RANBP2: variants seen among roughly 807,000 people sequenced by gnomAD.
RANBP2 encodes RAN binding protein 2, also known as E3 SUMO-protein ligase RanBP2.
Under a neutral mutation model 303.6 loss-of-function variants are expected in RANBP2, and 57 were observed. That is an observed-to-expected ratio of 0.19 (90% CI 0.15 to 0.23). RANBP2 has a LOEUF of 0.23. Ranked by LOEUF, RANBP2 falls within the 10% of genes least tolerant of loss-of-function variation. RANBP2 has a pLI of 1.00. For synonymous variants in RANBP2, 1,167 were observed against 1,301.5 expected (o/e 0.90, Z 2.23); for missense variants, 3,138 against 3,780.8 (o/e 0.83, Z 4.46).
chr2:109,672,178 C>T, the RANBP2 span, among the ~76,000 whole-genome samples: 1 of 152,144 alleles, frequency 6.6e-6, no homozygotes, highest in Admixed American at 6.5e-5. Context: ...TTATTTAGTT[C>T]CTTGAATAGC....
At chr2:108,974,678 C>T in the RANBP2 span, among the ~76,000 whole-genome samples, 173 of 151,530 alleles carry the variant, frequency 1.1e-3, 1 homozygote, top group African/African-American at 1.0e-3. Context: ...TTCAGTGAGC[C>T]GAGATAGCGC....
Position 108,726,786 on chromosome 2 carries a change from C to T in RANBP2, c.73-2346C>T, listed in dbSNP as rs532903784. Among the ~76,000 whole-genome samples the T allele has an allele frequency of 3.0e-4, 46 of 152,098 alleles. No individual in the cohort carries two copies. The East Asian group carries it at 7.7e-3, about 26-fold the overall frequency. On this transcript the variant is annotated intron_variant, in intron 1 of 28. Transcript: ENST00000283195. ...CTAGGCAGAGGACCCTGCAGCCTTC[C>T]GCAGTGTTTGTGTCCCTGATTACTT...
the RANBP2 span, among the ~76,000 whole-genome samples, chr2:109,648,652 C>CTT: frequency 2.7e-3 from 349 of 131,298 alleles, 6 homozygotes; most frequent in African/African-American, 5.6e-3. Flanking sequence ...TGATTTACAT[C>CTT]TTTTTTTTTT....
the RANBP2 span, among the ~76,000 whole-genome samples, chr2:109,216,821 G>A: frequency 1.3e-5 from 2 of 152,220 alleles, no homozygotes; most frequent in Non-Finnish European, 2.9e-5. Context: ...TTAGCCATTT[G>A]TAAGCAAACA....
the RANBP2 span, among the ~76,000 whole-genome samples, chr2:109,709,367 T>TAA: frequency 3.4e-4 from 51 of 147,830 alleles, no homozygotes; most frequent in Non-Finnish European, 5.2e-4. Context: ...TAAAATAAAA[T>TAA]AATAAAAATA....
At chr2:109,232,026 C>T in the RANBP2 span, among the ~76,000 whole-genome samples, 11 of 152,128 alleles carry the variant, frequency 7.2e-5, no homozygotes, top group Admixed American at 4.6e-4. Context: ...TTTATTTATC[C>T]GTTCATTAGA....
the RANBP2 span, among the ~76,000 whole-genome samples, chr2:109,331,027 A>T: frequency 6.6e-6 from 1 of 152,184 alleles, no homozygotes; most frequent in Non-Finnish European, 1.5e-5. Context: ...GTTTGGAGTT[A>T]CTGTAGTATC....
chr2:109,018,172 C>G, the RANBP2 span, among the ~76,000 whole-genome samples: 15 of 152,176 alleles, frequency 9.9e-5, no homozygotes, highest in Non-Finnish European at 2.1e-4. Context: ...ATGACGACTT[C>G]AGTGAAATGG....
the RANBP2 span, among the ~76,000 whole-genome samples, chr2:109,390,521 A>G: frequency 2.0e-5 from 3 of 152,226 alleles, no homozygotes; most frequent in Non-Finnish European, 4.4e-5. Flanking sequence ...CAGGAGGGAC[A>G]CATCACCCAA....
chr2:109,574,806 T>C, the RANBP2 span: 6 of 1,440,290 alleles, frequency 4.2e-6, no homozygotes, highest in African/African-American at 4.3e-5. Context: ...ACATTATTTG[T>C]GCTACCTTAA....
At chr2:109,689,711 T>C in the RANBP2 span, among the ~76,000 whole-genome samples, 1 of 152,184 alleles carries the variant, frequency 6.6e-6, no homozygotes, top group African/African-American at 2.4e-5. Flanking sequence ...CCTTCCCCCC[T>C]CATCTCTGCT....
rs1678513125 is a variant in RANBP2, at chr2:108,785,015, A to C, written c.*1114A>C. 1 of 152,258 alleles carries C rather than the reference A, an allele frequency of 6.6e-6. No homozygotes were observed. Among genetic ancestry groups the C allele is most frequent in the Non-Finnish European group, 1.5e-5 (1 of 68,046 alleles). The allele number at this position is 152,258 out of a possible 1,614,324, so 9.4% of individuals were successfully genotyped here. A position where few individuals can be genotyped will look rare whatever the true frequency, so the allele number is the denominator to read the frequency against. ...TTATTGGCCTACTCAATATGGAACT[A>C]CAAAGAATCCAGGTAGAACACAAAA... On this transcript the variant is annotated 3_prime_UTR_variant, in exon 29 of 29. Coordinates refer to ENST00000283195, the MANE Select transcript of RANBP2 (RefSeq NM_006267.5).
the RANBP2 span, among the ~76,000 whole-genome samples, chr2:109,301,808 G>T: frequency 1.3e-5 from 2 of 152,158 alleles, no homozygotes; most frequent in African/African-American, 4.8e-5. Context: ...CATCCTTCTT[G>T]TCTTCATTCT....
chr2:108,901,534 C>T, the RANBP2 span, among the ~76,000 whole-genome samples: 1 of 152,006 alleles, frequency 6.6e-6, no homozygotes, highest in Non-Finnish European at 1.5e-5. Flanking sequence ...TGAAAAGAGA[C>T]AGTTATTTGA....
the RANBP2 span, among the ~76,000 whole-genome samples, chr2:109,451,835 G>A: frequency 6.6e-6 from 1 of 152,270 alleles, no homozygotes; most frequent in Non-Finnish European, 1.5e-5. Flanking sequence ...CCGAGCCTCT[G>A]TGGGCAGCAG....
chr2:108,753,601 A>C, intron 14 of RANBP2, 38 bp downstream of exon 14: 1 of 1,598,022 alleles, frequency 6.3e-7, no homozygotes, highest in Non-Finnish European at 8.5e-7. Flanking sequence ...AGTTTTATTT[A>C]TTTATTTATT....
the RANBP2 span, chr2:109,544,625 A>G: frequency 1.1e-6 from 1 of 943,712 alleles, no homozygotes; most frequent in Non-Finnish European, 1.3e-6. Context: ...GGGAAATCTA[A>G]TTTTAGTAAC....
At chr2:108,858,361 C>CAA in the RANBP2 span, among the ~76,000 whole-genome samples, 1 of 151,416 alleles carries the variant, frequency 6.6e-6, no homozygotes, top group African/African-American at 2.4e-5. Flanking sequence ...AACAAACAAA[C>CAA]AAAAAAAACA....
the RANBP2 span, among the ~76,000 whole-genome samples, chr2:109,761,876 CAT>C: frequency 9.2e-5 from 14 of 151,626 alleles, no homozygotes; most frequent in East Asian, 2.7e-3. Flanking sequence ...AAAGAGTTCA[CAT>C]GTGTCTAAAA....
Sources: gnomAD v4.1 joint callset for allele counts (sites outside exome capture counted in the v4.1 genomes callset) on GRCh38, gnomAD v4.1.1 for gene constraint, MANE v1.5 for transcripts, NCBI Gene and HGNC (gene_info 2026-07-23, HGNC 2026-07-21) for gene names.